Variants in PPP1R37 observed in about 807,000 individuals in gnomAD.
The protein encoded by PPP1R37 is protein phosphatase 1 regulatory subunit 37.
A neutral mutation model predicts 61.0 loss-of-function variants in PPP1R37; 21 were observed. That is an observed-to-expected ratio of 0.34 (90% CI 0.24 to 0.50). PPP1R37 has a LOEUF of 0.50. Among genes scored for constraint, PPP1R37 ranks in the 20% least tolerant of loss-of-function variants. The pLI is 0.98. For synonymous variants in PPP1R37, 443 were observed against 433.5 expected (o/e 1.02, Z -0.27); for missense variants, 910 against 952.7 (o/e 0.96, Z 0.59).
chr19:45,100,151 C>T lies in PPP1R37; in HGVS notation c.202+6624C>T, dbSNP rs1052554083. ...TTTTACAAAAGCTCCCCAGGTGGTT[C>T]TGACAACCTCGCTTGGCTGTCTGTG... On this transcript the variant is annotated intron_variant, in intron 1 of 12. Coordinates refer to ENST00000221462, the MANE Select transcript of PPP1R37 (RefSeq NM_019121.2). The T allele has an allele frequency of 2.6e-5, 4 of 152,386 alleles. No homozygotes were observed. The East Asian group carries it at 5.8e-4, about 22-fold the overall frequency. 9.4% of individuals were successfully genotyped at this position (152,386 alleles called of 1,614,324 possible).
At position 45,118,904 on chromosome 19, in the gene PPP1R37, G is replaced by A. The variant is rs183301843; in HGVS notation, c.203-19610G>A. The stretch of plus-strand genomic sequence containing the variant: ...GGCCTTGGTGCCAGACCTCCCTCCC[G>A]GCCCACCTGCCGCCTCTGGGTTCCT... On this transcript the variant is annotated intron_variant, in intron 1 of 12. Transcript: ENST00000221462. 1.3e-4 allele frequency among the ~76,000 whole-genome samples: 20 copies of A among 152,034 alleles called. No individual in the cohort carries two copies. In the East Asian group the frequency reaches 3.7e-3, roughly 28 times the overall value.
At chr19:45,101,817 G>A (rs555204695) in intron 1 of PPP1R37, among the ~76,000 whole-genome samples, 29 of 152,340 alleles carry the variant, frequency 1.9e-4, no homozygotes, top group Admixed American at 9.1e-4. Context: ...GGGAGGGGCC[G>A]TGAGCCAGGA....
At chr19:45,120,762 G>A (rs1046606272) in intron 1 of PPP1R37, among the ~76,000 whole-genome samples, 9 of 152,040 alleles carry the variant, frequency 5.9e-5, no homozygotes, top group African/African-American at 1.9e-4. Flanking sequence ...ATAGGCACCC[G>A]CTACCACACC....
intron 1 of PPP1R37, among the ~76,000 whole-genome samples, chr19:45,113,450 T>C (rs1360449121): frequency 6.6e-6 from 1 of 152,148 alleles, no homozygotes; most frequent in Non-Finnish European, 1.5e-5. Context: ...ATTTTACCAA[T>C]GAAGGAGAGA....
intron 1 of PPP1R37, among the ~76,000 whole-genome samples, chr19:45,110,877 T>C (rs1968191149): frequency 6.6e-6 from 1 of 152,174 alleles, no homozygotes; most frequent in Non-Finnish European, 1.5e-5. Flanking sequence ...CAGATGGCCA[T>C]CTGGTACCCA....
intron 1 of PPP1R37, among the ~76,000 whole-genome samples, chr19:45,133,578 C>T (rs1968504369): frequency 6.6e-6 from 1 of 152,198 alleles, no homozygotes; most frequent in Admixed American, 6.5e-5. Context: ...AGCTCCAGCC[C>T]AGGCCCTACA....
rs746127491 is a variant in PPP1R37 at position 45,100,671 on chromosome 19, GC to G, written c.202+7146del. 3.3e-5 allele frequency among the ~76,000 whole-genome samples: 5 copies of G among 152,332 alleles called. No homozygotes were observed. The South Asian group carries it at 1.0e-3, about 32-fold the overall frequency. ...TGCTTGGACGCATTCGGTGCAACGT[GC>G]CATACGGTCTCTTCATCTATAACCC... On this transcript the variant is annotated intron_variant, in intron 1 of 12. Coordinates refer to ENST00000221462, the MANE Select transcript of PPP1R37 (RefSeq NM_019121.2).
At chr19:45,133,481 G>A (rs564119360) in intron 1 of PPP1R37, among the ~76,000 whole-genome samples, 198 of 152,348 alleles carry the variant, frequency 1.3e-3, no homozygotes, top group Non-Finnish European at 2.3e-3. Context: ...GTGTGTGAGA[G>A]AGACAGCAAA....
At chr19:45,135,450 G>A (rs1279882160) in intron 1 of PPP1R37, among the ~76,000 whole-genome samples, 4 of 152,204 alleles carry the variant, frequency 2.6e-5, no homozygotes, top group Admixed American at 2.0e-4. Flanking sequence ...GGCCCGGGCC[G>A]GACTTTCTCC....
chr19:45,111,258 AATT>A (rs72048408), intron 1 of PPP1R37, among the ~76,000 whole-genome samples: 39,818 of 149,184 alleles, frequency 0.27, 5,908 homozygotes, highest in African/African-American at 0.39. Flanking sequence ...TCTGCTTTTT[AATT>A]ATTATTATTA....
Position 45,128,554 on chromosome 19 carries a change from C to T in PPP1R37, c.203-9960C>T, listed in dbSNP as rs564282261. ...TCAGTGTGTTTGCGAGAGCTGGAAT[C>T]GAAGCCTCTTAAAATGGCAGATGAT... On this transcript the variant is annotated intron_variant, in intron 1 of 12. Coordinates refer to ENST00000221462, the MANE Select transcript of PPP1R37 (RefSeq NM_019121.2). The T allele has an allele frequency of 2.9e-5, 36 of 1,233,848 alleles. No individual in the cohort carries two copies. The East Asian group carries it at 8.7e-4, about 30-fold the overall frequency. The allele number at this position is 1,233,848 out of a possible 1,614,324, so 76.4% of individuals were successfully genotyped here.
intron 1 of PPP1R37, among the ~76,000 whole-genome samples, chr19:45,109,095 T>C (rs1968168980): frequency 6.6e-6 from 1 of 152,250 alleles, no homozygotes; most frequent in Non-Finnish European, 1.5e-5. Flanking sequence ...GTTAACATGT[T>C]ACATGGTTCT....
intron 1 of PPP1R37, among the ~76,000 whole-genome samples, chr19:45,106,117 C>G (rs1198306281): frequency 6.6e-6 from 1 of 152,206 alleles, no homozygotes; most frequent in Non-Finnish European, 1.5e-5. Flanking sequence ...CTGGCACCAG[C>G]CCCTTCCTCA....
intron 1 of PPP1R37, among the ~76,000 whole-genome samples, chr19:45,137,860 C>G (rs1160714552): frequency 6.6e-6 from 1 of 151,554 alleles, no homozygotes; most frequent in Non-Finnish European, 1.5e-5. Context: ...AACCAAGGAC[C>G]AAGTACAGTG....
chr19:45,106,407 A>G (rs1968131419), intron 1 of PPP1R37, among the ~76,000 whole-genome samples: 1 of 151,006 alleles, frequency 6.6e-6, no homozygotes, highest in Non-Finnish European at 1.5e-5. Context: ...ATGCCCAGCT[A>G]ATTTTTTTGT....
chr19:45,141,763 G>C (rs1411698993), intron 5 of PPP1R37, among the ~76,000 whole-genome samples: 2 of 152,240 alleles, frequency 1.3e-5, no homozygotes, highest in Admixed American at 6.5e-5. Context: ...AGGCTGGGTG[G>C]AGGGACGGGA....
At chr19:45,101,018 C>T (rs754582351) in intron 1 of PPP1R37, among the ~76,000 whole-genome samples, 3 of 152,204 alleles carry the variant, frequency 2.0e-5, no homozygotes, top group Admixed American at 6.5e-5. Flanking sequence ...ATGGTGTGGC[C>T]GTGCCACGTG....
At position 45,138,472 on chromosome 19, in the gene PPP1R37, G is replaced by A. The variant is rs142510637; in HGVS notation, c.203-42G>A. On this transcript the variant is annotated intron_variant, in intron 1 of 12. Transcript: ENST00000221462. ...GTGGGTGGAGCCCCATGAAGGACTCGGGGTGTGGACAGTCACAGGCCTGGG... is the reference window on the plus strand; with the variant it reads ...GTGGGTGGAGCCCCATGAAGGACTCAGGGTGTGGACAGTCACAGGCCTGGG... The A allele has an allele frequency of 4.6e-4, 661 of 1,438,222 alleles. 3 individuals are homozygous for A. In the African/African-American group the frequency reaches 7.2e-3, roughly 16 times the overall value. 89.1% of individuals were successfully genotyped at this position (1,438,222 alleles called of 1,614,324 possible).
intron 1 of PPP1R37, among the ~76,000 whole-genome samples, chr19:45,133,332 C>T (rs2122744132): frequency 6.6e-6 from 1 of 152,362 alleles, no homozygotes; most frequent in South Asian, 2.1e-4. Context: ...GATCTGCCCT[C>T]CTCAGCCTCC....
Sources: gnomAD v4.1 joint callset for allele counts (sites outside exome capture counted in the v4.1 genomes callset) on GRCh38, gnomAD v4.1.1 for gene constraint, MANE v1.5 for transcripts, NCBI Gene and HGNC (gene_info 2026-07-23, HGNC 2026-07-21) for gene names.